SLC7A9: variants seen among roughly 807,000 people sequenced by gnomAD.
SLC7A9 encodes B(0,+)-type amino acid transporter 1.
In SLC7A9, 38 loss-of-function variants were observed where a neutral mutation model predicts 54.1. That is an observed-to-expected ratio of 0.70 (90% confidence interval 0.54 to 0.92). SLC7A9 has a LOEUF of 0.92. Among genes scored for constraint, SLC7A9 ranks in the 40% least tolerant of loss-of-function variants. The probability of loss-of-function intolerance (pLI) is 0.00; values close to 1 mark genes in which losing one functional copy is unlikely to be tolerated. For synonymous variants in SLC7A9, 264 were observed against 258.9 expected (o/e 1.02, Z -0.19); for missense variants, 537 against 636.1 (o/e 0.84, Z 1.68).
chr19:32,847,567 AC>A (rs1968337157), intron 9 of SLC7A9, among the ~76,000 whole-genome samples: 1 of 152,224 alleles, frequency 6.6e-6, no homozygotes, highest in African/African-American at 2.4e-5. Context: ...TGATTGGTGT[AC>A]CTGAAAGTAA....
intron 9 of SLC7A9, among the ~76,000 whole-genome samples, 193 bp downstream of exon 9, chr19:32,858,247 C>T (rs1968684903): frequency 6.6e-6 from 1 of 152,168 alleles, no homozygotes; most frequent in Admixed American, 6.5e-5. Flanking sequence ...TGTGCAGGCC[C>T]ATCCATGCCT....
intron 4 of SLC7A9, 128 bp downstream of exon 4, chr19:32,863,968 C>A: frequency 1.3e-6 from 2 of 1,483,554 alleles, no homozygotes; most frequent in Non-Finnish European, 1.9e-6. Flanking sequence ...ACAGGTACTG[C>A]AAAGGCTGAT....
intron 9 of SLC7A9, among the ~76,000 whole-genome samples, chr19:32,844,453 GTCTC>G (rs1009022213): frequency 2.4e-4 from 36 of 152,176 alleles, no homozygotes; most frequent in African/African-American, 8.2e-4. Context: ...CCTTTAGCAA[GTCTC>G]TCTCTATCTC....
chr19:32,836,849 CTT>C (rs1312557429), intron 11 of SLC7A9, among the ~76,000 whole-genome samples: 1 of 152,172 alleles, frequency 6.6e-6, no homozygotes, highest in Non-Finnish European at 1.5e-5. Flanking sequence ...CATGGCCTGT[CTT>C]TGTCTTAAAT....
At chr19:32,843,720 C>T in intron 10 of SLC7A9, 135 bp downstream of exon 10, 5 of 703,482 alleles carry the variant, frequency 7.1e-6, no homozygotes, top group South Asian at 1.5e-5. Context: ...TTTCACTTGT[C>T]CTGGGACTCT....
intron 9 of SLC7A9, among the ~76,000 whole-genome samples, chr19:32,850,026 G>A (rs76081193): frequency 4.0e-5 from 6 of 150,090 alleles, no homozygotes; most frequent in African/African-American, 7.3e-5. Flanking sequence ...TTGATGGGAC[G>A]TATCTCAAAA....
In SLC7A9 at chr19:32,864,161, G is replaced by A. The variant is rs146708680; in HGVS notation, c.413C>T (p.Ala138Val). Residue 138 changes from alanine (A) to valine (V), a missense_variant, in exon 4 of 13, where the codon GCG becomes GTG. Coordinates refer to ENST00000023064, the MANE Select transcript of SLC7A9 (RefSeq NM_014270.5). ...ICLSFSEYVCAPFYVGCKPPQ... is the reference protein window; with the variant it reads ...ICLSFSEYVCVPFYVGCKPPQ... ...AGGCTTGCAGCCCACATAGAAGGGC[G>A]CACACACATACTCGGAGAAGCTGAG... The A allele has an allele frequency of 3.7e-5, 60 of 1,614,180 alleles. No homozygotes were observed. Among genetic ancestry groups the A allele is most frequent in the African/African-American group, 9.3e-5 (7 of 75,056 alleles).
At position 32,859,896 on chromosome 19, in the gene SLC7A9, G is replaced by C. The variant is rs759980496; in HGVS notation, c.818C>G (p.Ser273Cys). 2 of 1,614,190 alleles carry C rather than the reference G, an allele frequency of 1.2e-6. No homozygotes were observed. Among genetic ancestry groups the C allele is most frequent in the South Asian group, 2.2e-5 (2 of 91,084 alleles). The change falls in exon 8 of 13, where the codon TCC becomes TGC. Residue 273 changes from serine (S) to cysteine (C), a missense_variant. Coordinates refer to ENST00000023064, the MANE Select transcript of SLC7A9 (RefSeq NM_014270.5). ...GGTGGCAGTCATCACGGTGAAGTAG[G>C]ACACGTTCATGAGGATGTAGCACGC... ...VTACYILMNV[S>C]YFTVMTATEL...
chr19:32,855,502 A>T (rs1326247338), intron 9 of SLC7A9, among the ~76,000 whole-genome samples: 3 of 152,136 alleles, frequency 2.0e-5, no homozygotes, highest in Non-Finnish European at 4.4e-5. Flanking sequence ...GATCAAGACC[A>T]TCCTGGCAAA....
rs890882502 is a variant in SLC7A9 at position 32,868,629 on chromosome 19, T to C, written c.-95A>G. 3.1e-5 allele frequency: 32 copies of C among 1,028,596 alleles called. No individual in the cohort carries two copies. The highest frequency in any genetic ancestry group is 4.8e-5 in the Non-Finnish European group (31 of 650,904). 63.7% of individuals were successfully genotyped at this position (1,028,596 alleles called of 1,614,324 possible). A position where few individuals can be genotyped will look rare whatever the true frequency, so the allele number is the denominator to read the frequency against. ...ACAAGACGCAAGTGCAAGCTCGGCC[T>C]GGACTAGGGGAGCTGGCTGCAAAAG... On this transcript the variant is annotated 5_prime_UTR_variant, in exon 2 of 13. Transcript: ENST00000023064.
intron 9 of SLC7A9, among the ~76,000 whole-genome samples, chr19:32,844,931 G>A (rs1007024365): frequency 6.4e-5 from 9 of 139,778 alleles, no homozygotes; most frequent in South Asian, 2.5e-4. Flanking sequence ...TTGGGAGCCC[G>A]AGGCAGGCGG....
intron 2 of SLC7A9, among the ~76,000 whole-genome samples, chr19:32,867,966 G>T (rs1171540963): frequency 7.1e-6 from 1 of 140,290 alleles, no homozygotes; most frequent in Non-Finnish European, 1.5e-5. Flanking sequence ...ATATGCAGCC[G>T]AGTGCAGTGG....
intron 9 of SLC7A9, among the ~76,000 whole-genome samples, chr19:32,854,940 A>G (rs903760451): frequency 1.3e-5 from 2 of 152,064 alleles, no homozygotes; most frequent in East Asian, 1.9e-4. Flanking sequence ...CTGCACTCCT[A>G]TGTACCTCTG....
At chr19:32,857,799 A>C (rs928526162) in intron 9 of SLC7A9, among the ~76,000 whole-genome samples, 3 of 152,176 alleles carry the variant, frequency 2.0e-5, no homozygotes, top group Non-Finnish European at 2.9e-5. Flanking sequence ...CAGTCTCTAG[A>C]CCAGATGGGT....
At chr19:32,855,524 C>T (rs111590167) in intron 9 of SLC7A9, among the ~76,000 whole-genome samples, 3,741 of 152,144 alleles carry the variant, frequency 0.025, 61 homozygotes, top group Non-Finnish European at 0.038. Context: ...ACGGTGAAAC[C>T]CCATCTCTAC....
At chr19:32,837,937 A>G (rs1480436540) in intron 11 of SLC7A9, among the ~76,000 whole-genome samples, 1 of 152,248 alleles carries the variant, frequency 6.6e-6, no homozygotes, top group Non-Finnish European at 1.5e-5. Flanking sequence ...AATAAGCAAA[A>G]AATAGCAATG....
intron 9 of SLC7A9, among the ~76,000 whole-genome samples, chr19:32,850,912 A>C (rs1403720989): frequency 6.6e-6 from 1 of 152,194 alleles, no homozygotes; most frequent in Non-Finnish European, 1.5e-5. Context: ...TGACAAAAAC[A>C]AGCAATGGGG....
Position 32,838,286 on chromosome 19 carries a change from A to G in SLC7A9, c.1224+3882T>C, listed in dbSNP as rs16967485. 4.4e-3 allele frequency among the ~76,000 whole-genome samples: 669 copies of G among 152,166 alleles called. 4 individuals are homozygous for G. The highest frequency in any genetic ancestry group is 0.015 in the African/African-American group (634 of 41,512). On this transcript the variant is annotated intron_variant, in intron 11 of 12. Transcript: ENST00000023064. ...AATTTTAATTATTTCATGTATTCTA[A>G]GCACACTTCCTCTTTTTTAATGTGT... is the stretch of plus-strand genomic sequence containing the variant.
chr19:32,861,629 C>G (rs779748100), intron 6 of SLC7A9, among the ~76,000 whole-genome samples: 6 of 152,062 alleles, frequency 3.9e-5, no homozygotes, highest in Non-Finnish European at 7.4e-5. Flanking sequence ...TTGGGCAACA[C>G]AGAGAGACTG....
Sources: allele counts gnomAD v4.1 joint callset (sites outside exome capture counted in the v4.1 genomes callset), GRCh38; gene constraint gnomAD v4.1.1; transcripts MANE v1.5; gene names NCBI Gene and HGNC (gene_info 2026-07-23, HGNC 2026-07-21).